BABAM2: variants seen among roughly 807,000 people sequenced by gnomAD.
BABAM2 encodes BRISC and BRCA1-A complex member 2.
A neutral mutation model predicts 54.7 loss-of-function variants in BABAM2; 31 were observed. The ratio of observed to expected loss-of-function variants is 0.57; its 90% CI spans 0.43 to 0.77. The LOEUF (loss-of-function observed/expected upper bound fraction) is 0.77. BABAM2 is among the 30% of genes least tolerant of loss of function. The probability of loss-of-function intolerance (pLI) is 0.00; values close to 1 mark genes in which losing one functional copy is unlikely to be tolerated. For missense variants in BABAM2, 364 were observed against 455.8 expected, an observed-to-expected ratio of 0.80 and a Z score of 1.83; for synonymous variants, 167 against 162.9, an observed-to-expected ratio of 1.03 and a Z score of -0.19.
chr2:27,985,470 T>C (rs1472848411), intron 3 of BABAM2, among the ~76,000 whole-genome samples: 1 of 152,176 alleles, frequency 6.6e-6, no homozygotes, highest in African/African-American at 2.4e-5. Context: ...ATTTCCCTGA[T>C]AATGGGTGAT....
chr2:28,013,711 A>ACACACACACG (rs1674581923), intron 4 of BABAM2, among the ~76,000 whole-genome samples: 1 of 145,246 alleles, frequency 6.9e-6, no homozygotes, highest in Non-Finnish European at 1.5e-5. Context: ...ACACACACAC[A>ACACACACACG]CACACACACA....
At chr2:28,258,658 G>A (rs1684201592) in intron 10 of BABAM2, among the ~76,000 whole-genome samples, 1 of 119,606 alleles carries the variant, frequency 8.4e-6, no homozygotes, top group Admixed American at 1.2e-4. Context: ...CTGTCACCCA[G>A]GCTGTAGTGC....
Position 27,964,598 on chromosome 2 carries a change from G to A in BABAM2, c.206-23395G>A, listed in dbSNP as rs76213812. On this transcript the variant is annotated intron_variant, in intron 3 of 11. Transcript: ENST00000379624. ...ATATGGTAGGCCATACATGAGTGTT[G>A]TATTGACTTTTGGGCAGCACAGTGT... is the stretch of plus-strand genomic sequence containing the variant. 5.8e-4 allele frequency among the ~76,000 whole-genome samples: 89 copies of A among 152,272 alleles called. 1 individual carries two copies. In the East Asian group the frequency reaches 0.016, roughly 27 times the overall value.
intron 11 of BABAM2, 72 bp from the exon 12 acceptor site, chr2:28,338,378 G>C: frequency 7.6e-7 from 1 of 1,316,182 alleles, no homozygotes; most frequent in South Asian, 1.2e-5. Flanking sequence ...TAGCTTGAAA[G>C]CTCCCAGTTG....
chr2:28,198,162 A>G (rs1320044135), intron 7 of BABAM2, among the ~76,000 whole-genome samples: 15 of 150,560 alleles, frequency 1.0e-4, no homozygotes, highest in African/African-American at 3.4e-4. Flanking sequence ...ACCACAGGAC[A>G]GCTTTTTTTT....
chr2:27,966,688 C>T (rs1191365884), intron 3 of BABAM2, among the ~76,000 whole-genome samples: 7 of 152,328 alleles, frequency 4.6e-5, no homozygotes, highest in Admixed American at 6.5e-5. Flanking sequence ...CTGTACTCTG[C>T]GAAAATGTCT....
At chr2:28,199,980 T>A (rs1054243383) in intron 7 of BABAM2, among the ~76,000 whole-genome samples, 2 of 152,220 alleles carry the variant, frequency 1.3e-5, no homozygotes, top group Non-Finnish European at 2.9e-5. Context: ...TTAATGAAAG[T>A]GAACTGCTAA....
intron 11 of BABAM2, among the ~76,000 whole-genome samples, chr2:28,316,913 G>A (rs1689604413): frequency 6.6e-5 from 10 of 152,196 alleles, no homozygotes; most frequent in Admixed American, 6.5e-4. Flanking sequence ...TTTTGAGTCT[G>A]AATTCAGGTC....
chr2:27,921,444 A>G (rs1667340379), intron 2 of BABAM2, among the ~76,000 whole-genome samples: 1 of 152,218 alleles, frequency 6.6e-6, no homozygotes, highest in East Asian at 1.9e-4. Context: ...ATTATGATTT[A>G]TAATTCACTA....
intron 1 of BABAM2, among the ~76,000 whole-genome samples, chr2:27,891,279 C>T (rs964657650): frequency 3.9e-5 from 6 of 152,302 alleles, no homozygotes; most frequent in Admixed American, 3.3e-4. Context: ...CGTGACGCAG[C>T]AGGATGCCAC....
intron 6 of BABAM2, among the ~76,000 whole-genome samples, chr2:28,063,089 G>T (rs1021368554): frequency 6.6e-6 from 1 of 152,190 alleles, no homozygotes; most frequent in Non-Finnish European, 1.5e-5. Context: ...GCCTGGCAGG[G>T]GTTAGTTTAA....
intron 7 of BABAM2, among the ~76,000 whole-genome samples, chr2:28,229,884 G>A (rs969319827): frequency 6.6e-6 from 1 of 152,126 alleles, no homozygotes; most frequent in African/African-American, 2.4e-5. Context: ...ACTGCACCCG[G>A]CCCATATTTT....
intron 7 of BABAM2, among the ~76,000 whole-genome samples, chr2:28,179,922 C>A (rs1049978913): frequency 6.6e-6 from 1 of 151,942 alleles, no homozygotes; most frequent in Non-Finnish European, 1.5e-5. Flanking sequence ...AGGTGAAAGA[C>A]CTCTACAATG....
At chr2:28,338,346 A>G (rs1691651250) in intron 11 of BABAM2, 104 bp from the exon 12 acceptor site, 1 of 1,089,802 alleles carries the variant, frequency 9.2e-7, no homozygotes, top group Non-Finnish European at 1.4e-6. Context: ...TGCATGAACA[A>G]TAAATAACAA....
intron 6 of BABAM2, among the ~76,000 whole-genome samples, chr2:28,099,222 A>T (rs1470506428): frequency 6.6e-6 from 1 of 152,196 alleles, no homozygotes; most frequent in Non-Finnish European, 1.5e-5. Flanking sequence ...TAAACTAATG[A>T]GTTAGCATTC....
intron 7 of BABAM2, among the ~76,000 whole-genome samples, chr2:28,197,850 A>C (rs1180243565): frequency 6.6e-6 from 1 of 152,212 alleles, no homozygotes; most frequent in Non-Finnish European, 1.5e-5. Flanking sequence ...AAGATCCAGA[A>C]GAGTAGGTCA....
chr2:28,301,941 G>C (rs753035469), intron 11 of BABAM2, among the ~76,000 whole-genome samples: 23 of 152,070 alleles, frequency 1.5e-4, no homozygotes, highest in Non-Finnish European at 3.2e-4. Flanking sequence ...AAGTTTTGAC[G>C]AAGTTACCTT....
chr2:27,891,028 G>C (rs1436736316), intron 1 of BABAM2, 186 bp downstream of exon 1: 1 of 152,422 alleles, frequency 6.6e-6, no homozygotes, highest in African/African-American at 2.4e-5. Flanking sequence ...AAGGCCAGAG[G>C]CGTCTCTTTC....
At chr2:28,247,606 G>A (rs1683018633) in intron 10 of BABAM2, among the ~76,000 whole-genome samples, 1 of 152,194 alleles carries the variant, frequency 6.6e-6, no homozygotes, top group African/African-American at 2.4e-5. Context: ...GGAAGGAAGT[G>A]CCTGGAAATA....
Sources: allele counts gnomAD v4.1 joint callset (sites outside exome capture counted in the v4.1 genomes callset), GRCh38; gene constraint gnomAD v4.1.1; transcripts MANE v1.5; gene names NCBI Gene and HGNC (gene_info 2026-07-23, HGNC 2026-07-21).